Variants in ORC5 observed in about 807,000 individuals in gnomAD.
ORC5 encodes the protein origin recognition complex subunit 5, also known as protein phosphatase 1, regulatory subunit 117.
ORC5 carries 39 observed loss-of-function variants against 58.8 expected under a neutral mutation model. That is an observed-to-expected ratio of 0.66 (90% CI 0.51 to 0.87). ORC5 has a LOEUF of 0.87. Among genes scored for constraint, ORC5 ranks in the 40% least tolerant of loss-of-function variants. The pLI is 0.00. For synonymous variants in ORC5, 218 were observed against 177.6 expected, an observed-to-expected ratio of 1.23 and a Z score of -1.81; for missense variants, 493 against 506.3, an observed-to-expected ratio of 0.97 and a Z score of 0.25.
At chr7:104,177,427 T>C (rs1169071381) in intron 8 of ORC5, among the ~76,000 whole-genome samples, 6 of 151,928 alleles carry the variant, frequency 3.9e-5, no homozygotes, top group Non-Finnish European at 7.4e-5. Context: ...AAAACTGACA[T>C]GTGACAAAAT....
chr7:104,143,701 T>C (rs913994257), intron 12 of ORC5, among the ~76,000 whole-genome samples: 1 of 152,122 alleles, frequency 6.6e-6, no homozygotes, highest in Non-Finnish European at 1.5e-5. Context: ...AAAAAACTCA[T>C]TTCAGTCATT....
In ORC5 at chr7:104,204,714, T is replaced by G. The variant is rs377528030; in HGVS notation, c.73-480A>C. ...AAGGGTCCTCATTCTTAGGAAAACTTATAGACTACTTCTGAACTATGCATA... is the reference window on the plus strand; with the variant it reads ...AAGGGTCCTCATTCTTAGGAAAACTGATAGACTACTTCTGAACTATGCATA... On this transcript the variant is annotated intron_variant, in intron 1 of 13. Coordinates refer to ENST00000297431, the MANE Select transcript of ORC5 (RefSeq NM_002553.4). Among the ~76,000 whole-genome samples the G allele has an allele frequency of 5.9e-5, 9 of 152,316 alleles. No homozygotes were observed. In the East Asian group the frequency reaches 9.6e-4, roughly 16 times the overall value.
rs139176508 is a variant in ORC5, at chr7:104,194,643, C to T, written c.553+500G>A. Among the ~76,000 whole-genome samples, 8 of 152,040 alleles carry T rather than the reference C, an allele frequency of 5.3e-5. No homozygotes were observed. In the East Asian group the frequency reaches 9.7e-4, roughly 18 times the overall value. ...GATTTATAAAATCAAAAGATATAAGCGCAACATGGTACTTAACCCAAGTAT... is the reference window on the plus strand; with the variant it reads ...GATTTATAAAATCAAAAGATATAAGTGCAACATGGTACTTAACCCAAGTAT... On this transcript the variant is annotated intron_variant, in intron 5 of 13. Coordinates refer to ENST00000297431, the MANE Select transcript of ORC5 (RefSeq NM_002553.4).
intron 11 of ORC5, among the ~76,000 whole-genome samples, chr7:104,164,987 T>G (rs1799082912): frequency 6.6e-6 from 1 of 152,188 alleles, no homozygotes; most frequent in Non-Finnish European, 1.5e-5. Flanking sequence ...TAATCCAGGG[T>G]AAACTTCTTC....
At chr7:104,165,177 T>C in intron 11 of ORC5, 58 bp downstream of exon 11, 1 of 840,520 alleles carries the variant, frequency 1.2e-6, no homozygotes, top group Non-Finnish European at 1.9e-6. Flanking sequence ...GATGTATCTA[T>C]TTCCTATATT....
At chr7:104,155,665 A>T (rs1046493954) in intron 12 of ORC5, among the ~76,000 whole-genome samples, 1 of 151,154 alleles carries the variant, frequency 6.6e-6, no homozygotes, top group African/African-American at 2.4e-5. Flanking sequence ...TTTTAGAAAT[A>T]AACTCTCCAG....
chr7:104,141,490 AG>A (rs1798672068), intron 12 of ORC5, among the ~76,000 whole-genome samples: 1 of 152,230 alleles, frequency 6.6e-6, no homozygotes, highest in East Asian at 1.9e-4. Flanking sequence ...AGTAGACTTC[AG>A]ACTGGTCAGT....
intron 8 of ORC5, among the ~76,000 whole-genome samples, chr7:104,183,050 A>T (rs1024291333): frequency 2.0e-5 from 3 of 152,104 alleles, no homozygotes; most frequent in Non-Finnish European, 4.4e-5. Context: ...CAGGAGATTC[A>T]CTTGAACCCA....
chr7:104,173,684 A>T (rs1799258659), intron 8 of ORC5, among the ~76,000 whole-genome samples: 1 of 152,098 alleles, frequency 6.6e-6, no homozygotes, highest in African/African-American at 2.4e-5. Context: ...TTTTCTGGCA[A>T]TCCCTTTCTG....
At chr7:104,147,852 C>T (rs962855700) in intron 12 of ORC5, among the ~76,000 whole-genome samples, 1 of 152,174 alleles carries the variant, frequency 6.6e-6, no homozygotes, top group Non-Finnish European at 1.5e-5. Context: ...GCCAAGACTA[C>T]TGCTACTGTG....
intron 3 of ORC5, 149 bp from the exon 4 acceptor site, chr7:104,197,948 A>T (rs1211854218): frequency 1.9e-6 from 1 of 538,548 alleles, no homozygotes; most frequent in Admixed American, 3.8e-5. Context: ...ATAAAAGATG[A>T]TTAAGTCATA....
At chr7:104,191,435 C>G (rs1392313600) in intron 5 of ORC5, among the ~76,000 whole-genome samples, 1 of 152,032 alleles carries the variant, frequency 6.6e-6, no homozygotes. Flanking sequence ...ATCTGGAAAA[C>G]AGTTGAGTCT....
At chr7:104,183,187 A>T (rs1417461662) in intron 8 of ORC5, among the ~76,000 whole-genome samples, 1 of 152,174 alleles carries the variant, frequency 6.6e-6, no homozygotes, top group Non-Finnish European at 1.5e-5. Context: ...TGCTGGCCCA[A>T]GCACTTTGCA....
At position 104,166,748 on chromosome 7, in the gene ORC5, T is replaced by C. The variant is rs752472165; in HGVS notation, c.990+24A>G. On this transcript the variant is annotated intron_variant, in intron 10 of 13. Transcript: ENST00000297431. ...ATTCCTGGGATCTTAAAAAATAAAG[T>C]GAAAAGAAGTATGTTATTATTACCT... The C allele has an allele frequency of 5.7e-6, 7 of 1,223,452 alleles. No homozygotes were observed. In the Admixed American group the frequency reaches 1.0e-4, roughly 18 times the overall value. 75.8% of individuals were successfully genotyped at this position (1,223,452 alleles called of 1,614,324 possible).
intron 1 of ORC5, among the ~76,000 whole-genome samples, chr7:104,205,086 CTT>C (rs10672012): frequency 1.0e-5 from 1 of 99,448 alleles, no homozygotes; most frequent in Admixed American, 1.2e-4. Flanking sequence ...TAATAATACT[CTT>C]TTTTTTTTTT....
intron 7 of ORC5, 36 bp downstream of exon 7, chr7:104,184,087 C>A (rs1799491408): frequency 6.3e-7 from 1 of 1,587,536 alleles, no homozygotes; most frequent in Admixed American, 1.7e-5. Flanking sequence ...AAACCTTTCT[C>A]AAAATAAATA....
At chr7:104,199,164 C>G (rs1055388917) in intron 3 of ORC5, among the ~76,000 whole-genome samples, 2 of 68,840 alleles carry the variant, frequency 2.9e-5, no homozygotes, top group Non-Finnish European at 5.7e-5. Flanking sequence ...GTTGGACCCC[C>G]CCTACAGAGT....
chr7:104,203,330 A>G (rs1256890774), intron 2 of ORC5, among the ~76,000 whole-genome samples: 1 of 152,190 alleles, frequency 6.6e-6, no homozygotes, highest in Non-Finnish European at 1.5e-5. Flanking sequence ...GAGAATGCCC[A>G]TGGCTGCTTT....
chr7:104,145,048 G>A (rs2115786404), intron 12 of ORC5, among the ~76,000 whole-genome samples: 1 of 152,304 alleles, frequency 6.6e-6, no homozygotes, highest in Non-Finnish European at 1.5e-5. Context: ...AAAAGACACA[G>A]AACAGGATGG....
Sources: allele counts gnomAD v4.1 joint callset (sites outside exome capture counted in the v4.1 genomes callset), GRCh38; gene constraint gnomAD v4.1.1; transcripts MANE v1.5; gene names NCBI Gene and HGNC (gene_info 2026-07-23, HGNC 2026-07-21).